Variants in ADAM23 observed in about 807,000 individuals in gnomAD.
ADAM23 encodes disintegrin and metalloproteinase domain-containing protein 23.
A neutral mutation model predicts 120.1 loss-of-function variants in ADAM23; 33 were observed. The ratio of observed to expected loss-of-function variants is 0.27; its 90% CI spans 0.21 to 0.37. ADAM23 has a LOEUF of 0.37. Ranked by LOEUF, ADAM23 falls within the 10% of genes least tolerant of loss-of-function variation. The pLI, the probability that ADAM23 is intolerant of heterozygous loss-of-function variation, is 1.00. For synonymous variants in ADAM23, 367 were observed against 375.2 expected, an observed-to-expected ratio of 0.98 and a Z score of 0.25; for missense variants, 862 against 1,058.2, an observed-to-expected ratio of 0.81 and a Z score of 2.57.
chr2:206,542,198 A>G (rs1171997969), intron 5 of ADAM23, 64 bp downstream of exon 5: 2 of 1,514,120 alleles, frequency 1.3e-6, no homozygotes, highest in Non-Finnish European at 1.8e-6. Context: ...TTATGGATAT[A>G]TATATTTTAG....
Position 206,557,423 on chromosome 2 carries a change from C to T in ADAM23, c.934-4C>T. 6.2e-7 allele frequency: 1 copy of T among 1,611,760 alleles called. No homozygotes were observed. The highest frequency in any genetic ancestry group is 8.5e-7 in the Non-Finnish European group (1 of 1,177,966). On this transcript the variant is annotated splice_region_variant and splice_polypyrimidine_tract_variant and intron_variant, in intron 9 of 25. Coordinates refer to ENST00000264377, the MANE Select transcript of ADAM23 (RefSeq NM_003812.4). ...GCAGTGACTGGTATGTATTTCCCCC[C>T]TAGTATAAGAAGCATCGCTCTTCTC...
At chr2:206,528,668 C>A (rs954208659) in intron 3 of ADAM23, among the ~76,000 whole-genome samples, 7 of 152,066 alleles carry the variant, frequency 4.6e-5, no homozygotes, top group Non-Finnish European at 8.8e-5. Flanking sequence ...TCATTGAGTC[C>A]TCCCATTTTT....
In ADAM23 at chr2:206,560,081, C is replaced by T. The variant is rs752609768; in HGVS notation, c.1132C>T (p.Arg378Cys). 8 of 1,614,048 alleles carry T rather than the reference C, an allele frequency of 5.0e-6. No individual in the cohort carries two copies. In the East Asian group the frequency reaches 1.6e-4, roughly 31 times the overall value. The change falls in exon 11 of 26, where the codon CGC becomes TGC. Residue 378 changes from arginine to cysteine, a missense_variant. Coordinates refer to ENST00000264377, the MANE Select transcript of ADAM23 (RefSeq NM_003812.4). ...CCATGAGTTCTCAAAATACCGGCAG[C>T]GCATTAAGCAGCATGCTGATGCTGT... ...MLHEFSKYRQ[R>C]IKQHADAVHL...
At chr2:206,596,257 C>G (rs1698523443) in intron 24 of ADAM23, 95 bp downstream of exon 24, 1 of 877,268 alleles carries the variant, frequency 1.1e-6, no homozygotes, top group Admixed American at 2.6e-5. Flanking sequence ...TAAGAGGAGA[C>G]ACATAAGAAT....
chr2:206,567,591 T>G (rs1697915144), intron 15 of ADAM23, among the ~76,000 whole-genome samples: 1 of 152,182 alleles, frequency 6.6e-6, no homozygotes, highest in Non-Finnish European at 1.5e-5. Flanking sequence ...AATCCTTCAA[T>G]TAAAATATCT....
chr2:206,536,539 G>A (rs1697180189), intron 4 of ADAM23, among the ~76,000 whole-genome samples: 2 of 151,996 alleles, frequency 1.3e-5, no homozygotes, highest in Admixed American at 1.3e-4. Flanking sequence ...TAAGGGCTAT[G>A]GTCAGTCATA....
At chr2:206,467,616 C>CA (rs2105865442) in intron 2 of ADAM23, among the ~76,000 whole-genome samples, 1 of 152,336 alleles carries the variant, frequency 6.6e-6, no homozygotes, top group Non-Finnish European at 1.5e-5. Flanking sequence ...GTGGCTTTTA[C>CA]AGGCACAGGG....
chr2:206,619,590 T>G lies in ADAM23; in HGVS notation c.*1963T>G, dbSNP rs1699004009. On this transcript the variant is annotated 3_prime_UTR_variant, in exon 26 of 26. Coordinates refer to ENST00000264377, the MANE Select transcript of ADAM23 (RefSeq NM_003812.4). ...ATGACACCAAATCCATTGCTAGGTT[T>G]AGCTCCTGGTCCCTTTTCAGCAAGA... is the stretch of plus-strand genomic sequence containing the variant. 6.6e-6 allele frequency: 1 copy of G among 152,086 alleles called. No individual in the cohort carries two copies. The highest frequency in any genetic ancestry group is 6.5e-5 in the Admixed American group (1 of 15,270). 9.4% of individuals were successfully genotyped at this position (152,086 alleles called of 1,614,324 possible). A position where few individuals can be genotyped will look rare whatever the true frequency, so the allele number is the denominator to read the frequency against.
At chr2:206,486,584 A>G (rs759465709) in intron 3 of ADAM23, among the ~76,000 whole-genome samples, 1 of 152,166 alleles carries the variant, frequency 6.6e-6, no homozygotes, top group Non-Finnish European at 1.5e-5. Flanking sequence ...GAGAATAACC[A>G]TGATTAGAGT....
At chr2:206,501,745 C>A (rs1218847744) in intron 3 of ADAM23, among the ~76,000 whole-genome samples, 1 of 152,050 alleles carries the variant, frequency 6.6e-6, no homozygotes, top group African/African-American at 2.4e-5. Flanking sequence ...ATAGCAATCT[C>A]AGGTTGAATT....
At chr2:206,517,056 AC>A (rs1485023285) in intron 3 of ADAM23, among the ~76,000 whole-genome samples, 1 of 152,172 alleles carries the variant, frequency 6.6e-6, no homozygotes, top group Non-Finnish European at 1.5e-5. Context: ...AAATAAAAAA[AC>A]ACGCTCGTAC....
At chr2:206,509,104 A>G (rs1025077) in intron 3 of ADAM23, among the ~76,000 whole-genome samples, 93,066 of 152,052 alleles carry the variant, frequency 0.61, 28,916 homozygotes, top group Admixed American at 0.7. Flanking sequence ...ATTGTCAGAA[A>G]TCTTTGTACT....
chr2:206,507,742 C>T (rs1696525112), intron 3 of ADAM23, among the ~76,000 whole-genome samples: 3 of 152,144 alleles, frequency 2.0e-5, no homozygotes, highest in African/African-American at 7.2e-5. Context: ...AAGCCGTAGT[C>T]TAATACTTTT....
intron 3 of ADAM23, among the ~76,000 whole-genome samples, chr2:206,497,014 C>T (rs892429106): frequency 6.6e-6 from 1 of 152,126 alleles, no homozygotes; most frequent in Non-Finnish European, 1.5e-5. Context: ...TAATTAATAG[C>T]TTACCAACCA....
intron 2 of ADAM23, among the ~76,000 whole-genome samples, chr2:206,460,555 G>A (rs544117743): frequency 5.3e-5 from 8 of 151,944 alleles, no homozygotes; most frequent in Admixed American, 3.9e-4. Flanking sequence ...TCAATTCTTC[G>A]CTCATTTTCT....
At chr2:206,473,395 A>C (rs1258535765) in intron 2 of ADAM23, among the ~76,000 whole-genome samples, 1 of 151,992 alleles carries the variant, frequency 6.6e-6, no homozygotes, top group Non-Finnish European at 1.5e-5. Flanking sequence ...CCCTTACTCC[A>C]AATTTGGTAA....
chr2:206,509,105 T>C (rs1189814075), intron 3 of ADAM23, among the ~76,000 whole-genome samples: 3 of 152,232 alleles, frequency 2.0e-5, no homozygotes, highest in African/African-American at 4.8e-5. Flanking sequence ...TTGTCAGAAA[T>C]CTTTGTACTT....
chr2:206,481,107 A>T lies in ADAM23; in HGVS notation c.433-125A>T, dbSNP rs187764512. On this transcript the variant is annotated intron_variant, in intron 2 of 25. Coordinates refer to ENST00000264377, the MANE Select transcript of ADAM23 (RefSeq NM_003812.4). Reference sequence around the variant, plus strand: ...GTCTCCTAAAGAAATGAATTGCTATATGATGATACATAAGGAAATGAACTG... The same window carrying T: ...GTCTCCTAAAGAAATGAATTGCTATTTGATGATACATAAGGAAATGAACTG... 33 of 607,960 alleles carry T rather than the reference A, an allele frequency of 5.4e-5. No individual in the cohort carries two copies. In the South Asian group the frequency reaches 1.0e-3, roughly 19 times the overall value. 37.7% of individuals were successfully genotyped at this position (607,960 alleles called of 1,614,324 possible).
chr2:206,584,315 C>G (rs1050024446), intron 18 of ADAM23, among the ~76,000 whole-genome samples: 1 of 152,172 alleles, frequency 6.6e-6, no homozygotes, highest in African/African-American at 2.4e-5. Context: ...GTCTAATGAT[C>G]TATTTTTGTG....
Sources: gnomAD v4.1 joint callset for allele counts (sites outside exome capture counted in the v4.1 genomes callset) on GRCh38, gnomAD v4.1.1 for gene constraint, MANE v1.5 for transcripts, NCBI Gene and HGNC (gene_info 2026-07-23, HGNC 2026-07-21) for gene names.